Variants in DGKI observed in about 807,000 individuals in gnomAD.
DGKI encodes the protein DAG kinase iota.
A neutral mutation model predicts 147.5 loss-of-function variants in DGKI; 55 were observed. The ratio of observed to expected loss-of-function variants is 0.37; its 90% CI spans 0.30 to 0.47. The LOEUF (loss-of-function observed/expected upper bound fraction) is 0.47. DGKI is among the 20% of genes least tolerant of loss of function. The pLI is 1.00. For synonymous variants in DGKI, 469 were observed against 477.1 expected (o/e 0.98, Z 0.22); for missense variants, 1,007 against 1,323.8 (o/e 0.76, Z 3.71).
At chr7:137,394,103 A>T (rs1190105152) in intron 32 of DGKI, among the ~76,000 whole-genome samples, 1 of 152,144 alleles carries the variant, frequency 6.6e-6, no homozygotes, top group African/African-American at 2.4e-5. Flanking sequence ...GTCTATAGGT[A>T]AGTGGTTCAT....
intron 1 of DGKI, among the ~76,000 whole-genome samples, chr7:137,715,418 G>A (rs1422007164): frequency 6.6e-6 from 1 of 152,176 alleles, no homozygotes; most frequent in African/African-American, 2.4e-5. Flanking sequence ...AGAAATGCTG[G>A]CCAAAACAAT....
Position 137,601,228 on chromosome 7 carries a change from G to A in DGKI, c.1168-1323C>T, listed in dbSNP as rs1056185744. ...GGAGCTTGCAGTGAGCCGAAATAGC[G>A]CCACTACACTTCGGCCTGGGTGAAA... On this transcript the variant is annotated intron_variant, in intron 10 of 32. Transcript: ENST00000614521. 2.6e-5 allele frequency among the ~76,000 whole-genome samples: 4 copies of A among 151,532 alleles called. No individual in the cohort carries two copies. The East Asian group carries it at 5.9e-4, about 22-fold the overall frequency.
intron 1 of DGKI, among the ~76,000 whole-genome samples, chr7:137,767,619 A>G (rs1428064086): frequency 6.6e-6 from 1 of 152,194 alleles, no homozygotes; most frequent in Non-Finnish European, 1.5e-5. Flanking sequence ...ATAATAATAT[A>G]CATGTGGCTC....
chr7:137,544,177 C>T (rs1817792105), intron 20 of DGKI, among the ~76,000 whole-genome samples: 1 of 152,102 alleles, frequency 6.6e-6, no homozygotes, highest in Non-Finnish European at 1.5e-5. Context: ...ATTTAAGATA[C>T]ACAACTAAAG....
chr7:137,517,214 AAAAGAAAAGAAAAAGAAAGAAAGAAAG>A lies in DGKI; in HGVS notation c.2248+4625_2248+4651del, dbSNP rs1272874423. 6.6e-3 allele frequency among the ~76,000 whole-genome samples: 944 copies of A among 142,702 alleles called. 36 individuals carry two copies. Among genetic ancestry groups the A allele is most frequent in the African/African-American group, 0.023 (806 of 35,388 alleles). The allele number at this position is 142,702 out of a possible 152,430, so 93.6% of individuals were successfully genotyped here. ...AAAAGAAAAGAAAAGAAAAGTAAAGAAAAGAAAAGAAAAAGAAAGAAAGAAAGAAAGAAAAGAAAAAGAAAGAAAGAA... is the reference window on the plus strand; with the variant it reads ...AAAAGAAAAGAAAAGAAAAGTAAAGAAAAGAAAAGAAAAAGAAAGAAAGAA... On this transcript the variant is annotated intron_variant, in intron 21 of 32. Transcript: ENST00000614521.
intron 20 of DGKI, among the ~76,000 whole-genome samples, chr7:137,529,516 T>G (rs1441626354): frequency 6.6e-6 from 1 of 152,178 alleles, no homozygotes; most frequent in East Asian, 1.9e-4. Context: ...TTCATGGTAT[T>G]TAAAGGGAAG....
intron 23 of DGKI, among the ~76,000 whole-genome samples, chr7:137,476,266 T>C (rs908310448): frequency 1.3e-5 from 2 of 152,148 alleles, no homozygotes. Context: ...GAAACACTAA[T>C]CCGGACAAGC....
chr7:137,577,085 G>C (rs1214506396), intron 17 of DGKI, 137 bp downstream of exon 17: 3 of 692,616 alleles, frequency 4.3e-6, no homozygotes, highest in African/African-American at 1.8e-5. Context: ...AATAAGTGTA[G>C]GTTGAATGAA....
chr7:137,396,891 G>A (rs1217201801), intron 31 of DGKI, among the ~76,000 whole-genome samples: 1 of 152,218 alleles, frequency 6.6e-6, no homozygotes, highest in East Asian at 1.9e-4. Context: ...AACCACAGAA[G>A]ACAGAAAATA....
chr7:137,804,208 T>C (rs1053833272), intron 1 of DGKI, among the ~76,000 whole-genome samples: 11 of 152,146 alleles, frequency 7.2e-5, no homozygotes, highest in African/African-American at 2.7e-4. Flanking sequence ...TTCCATCTCT[T>C]CCCCCTCTCT....
Position 137,846,593 on chromosome 7 carries a change from C to A in DGKI, c.270G>T (p.Arg90=). 1 of 1,159,890 alleles carries A rather than the reference C, an allele frequency of 8.6e-7. No homozygotes were observed. Among genetic ancestry groups the A allele is most frequent in the East Asian group, 4.9e-5 (1 of 20,270 alleles). The allele number at this position is 1,159,890 out of a possible 1,614,324, so 71.8% of individuals were successfully genotyped here. The change falls in exon 1 of 33, where the codon CGG becomes CGT. Residue 90 remains arginine (R), a synonymous_variant. Transcript: ENST00000614521. The surrounding 1 kb of genome is among the most constrained non-coding windows in gnomAD (Gnocchi z 4.0). ...CCGCCGCCGCGGCTGACCCTGCGCC[C>A]CGCGGGTCCGCGCCGCCCTCGGCGC... is the stretch of plus-strand genomic sequence containing the variant. ...CLGAEGGADP[R]GAGSAAAAGA...
intron 21 of DGKI, among the ~76,000 whole-genome samples, chr7:137,487,958 T>G (rs1039926552): frequency 6.6e-6 from 1 of 152,170 alleles, no homozygotes; most frequent in East Asian, 1.9e-4. Flanking sequence ...GGCCCTGAGA[T>G]GAAGTGAATT....
At chr7:137,605,212 C>T (rs1355956680) in intron 10 of DGKI, among the ~76,000 whole-genome samples, 1 of 151,476 alleles carries the variant, frequency 6.6e-6, no homozygotes, top group Non-Finnish European at 1.5e-5. Flanking sequence ...GGAGGCTGAG[C>T]CAAGAGAATT....
rs993672478 is a variant in DGKI, at chr7:137,645,399, G to A, written c.804+73C>T. The A allele has an allele frequency of 3.8e-6, 5 of 1,303,132 alleles. No individual in the cohort carries two copies. The African/African-American group carries it at 7.4e-5, about 19-fold the overall frequency. The allele number at this position is 1,303,132 out of a possible 1,614,324, so 80.7% of individuals were successfully genotyped here. ...CAGTGAACACTGGATTTGGGGACAG[G>A]ACTCATCTACCTCAGTTGCTTGCAG... On this transcript the variant is annotated intron_variant, in intron 6 of 32. Coordinates refer to ENST00000614521, the MANE Select transcript of DGKI (RefSeq NM_001321708.2).
intron 23 of DGKI, among the ~76,000 whole-genome samples, chr7:137,474,576 C>G (rs914283001): frequency 6.6e-6 from 1 of 152,092 alleles, no homozygotes; most frequent in Non-Finnish European, 1.5e-5. Flanking sequence ...AGTTGAAAAA[C>G]AGAGCAAAAA....
At chr7:137,545,844 C>T (rs1274519290) in intron 20 of DGKI, 2 of 689,750 alleles carry the variant, frequency 2.9e-6, no homozygotes, top group Non-Finnish European at 2.6e-6. Context: ...GGTAGTCCAA[C>T]CCTGAGGAGA....
At chr7:137,680,966 G>A (rs1823215433) in intron 2 of DGKI, among the ~76,000 whole-genome samples, 1 of 152,166 alleles carries the variant, frequency 6.6e-6, no homozygotes, top group African/African-American at 2.4e-5. Flanking sequence ...ATTGTGACAT[G>A]TGATGTAGGT....
intron 21 of DGKI, 90 bp from the exon 22 acceptor site, chr7:137,487,779 C>A: frequency 8.4e-7 from 1 of 1,192,110 alleles, no homozygotes; most frequent in South Asian, 1.3e-5. Context: ...AAAAAACAAT[C>A]TCATAAATAT....
intron 21 of DGKI, among the ~76,000 whole-genome samples, chr7:137,517,337 A>AG (rs1816808673): frequency 8.6e-6 from 1 of 116,702 alleles, no homozygotes; most frequent in African/African-American, 3.1e-5. Flanking sequence ...GAAAGAAAGA[A>AG]AGAGAAAGAA....
Sources: allele counts gnomAD v4.1 joint callset (sites outside exome capture counted in the v4.1 genomes callset), GRCh38; gene constraint gnomAD v4.1.1; non-coding constraint Gnocchi (gnomAD v3.1); transcripts MANE v1.5; gene names NCBI Gene and HGNC (gene_info 2026-07-23, HGNC 2026-07-21).